Variants in SHANK2 observed in about 807,000 individuals in gnomAD.
The protein encoded by SHANK2 is SH3 and multiple ankyrin repeat domains 2, also known as SH3 and multiple ankyrin repeat domains protein 2.
In SHANK2, 43 loss-of-function variants were observed where a neutral mutation model predicts 133.7. The ratio of observed to expected loss-of-function variants is 0.32; its 90% CI spans 0.25 to 0.41. The LOEUF is 0.41. Among genes scored for constraint, SHANK2 ranks in the 10% least tolerant of loss-of-function variants. SHANK2 has a pLI of 1.00. For missense variants in SHANK2, 1,994 were observed against 2,235.8 expected (o/e 0.89, Z 2.18); for synonymous variants, 1,017 against 952.8 (o/e 1.07, Z -1.24).
At position 70,639,886 on chromosome 11, in the gene SHANK2, T is replaced by C. The variant is rs528983219; in HGVS notation, c.2061+19942A>G. On this transcript the variant is annotated intron_variant, in intron 17 of 25. Coordinates refer to ENST00000601538, the MANE Select transcript of SHANK2 (RefSeq NM_012309.5). ...GTGGTGGAGTTCTACGTGGCTGGGA[T>C]TGGGACATCAGTGGACCCAGGGACG... is the stretch of plus-strand genomic sequence containing the variant. Among the ~76,000 whole-genome samples, 8 of 152,228 alleles carry C rather than the reference T, an allele frequency of 5.3e-5. No individual in the cohort carries two copies. The South Asian group carries it at 1.7e-3, about 32-fold the overall frequency.
chr11:70,807,169 G>A lies in SHANK2; in HGVS notation c.1496C>T (p.Ser499Leu), dbSNP rs537696808. ...KRPQPLWHVG[S>L]PFALGANKDS... ...CTTGTTGGCACCAAGAGCAAAAGGCGACCTGGACCAGGTGAGAGGGGCAGA... is the reference window on the plus strand; with the variant it reads ...CTTGTTGGCACCAAGAGCAAAAGGCAACCTGGACCAGGTGAGAGGGGCAGA... Residue 499 changes from serine (S) to leucine (L), a missense_variant and splice_region_variant, in exon 13 of 26, where the codon TCG (serine) becomes TTG (leucine). This residue lies in a region of SHANK2 where 653 missense variants were observed against 563.4 expected (regional missense o/e 1.16). Transcript: ENST00000601538. This position sits in a 1 kb window ranked among gnomAD's most constrained non-coding sequence, Gnocchi z 4.8. 65 of 717,134 alleles carry A rather than the reference G, an allele frequency of 9.1e-5. No individual in the cohort carries two copies. The highest frequency in any genetic ancestry group is 6.4e-4 in the South Asian group (43 of 67,502). The allele number at this position is 717,134 out of a possible 1,614,324, so 44.4% of individuals were successfully genotyped here.
At position 70,875,052 on chromosome 11, in the gene SHANK2, TCA is replaced by T. The variant is rs1214923803; in HGVS notation, c.1174+21447_1174+21448del. 3.9e-5 allele frequency among the ~76,000 whole-genome samples: 6 copies of T among 152,306 alleles called. No homozygotes were observed. In the South Asian group the frequency reaches 1.0e-3, roughly 26 times the overall value. On this transcript the variant is annotated intron_variant, in intron 11 of 25. Transcript: ENST00000601538. ...TTATAAAAAGATGCTAATTTGAAGT[TCA>T]CAGATACATTTCAACAGCAACTGTA...
intron 17 of SHANK2, among the ~76,000 whole-genome samples, chr11:70,572,106 C>T (rs782794366): frequency 3.3e-5 from 5 of 152,354 alleles, no homozygotes; most frequent in South Asian, 2.1e-4. Context: ...CGCCAGAATC[C>T]GGCCCTGCCG....
At chr11:71,178,945 T>G (rs781884506) in intron 2 of SHANK2, among the ~76,000 whole-genome samples, 1 of 152,210 alleles carries the variant, frequency 6.6e-6, no homozygotes, top group Non-Finnish European at 1.5e-5. Context: ...GTTGCACCAC[T>G]GCACTCCAGC....
intron 11 of SHANK2, among the ~76,000 whole-genome samples, chr11:70,826,236 G>A (rs1948637202): frequency 6.6e-6 from 1 of 152,196 alleles, no homozygotes; most frequent in South Asian, 2.1e-4. Flanking sequence ...GTTCCACAAG[G>A]GCTGAAGGTT....
At chr11:71,178,985 G>A (rs7933622) in intron 2 of SHANK2, among the ~76,000 whole-genome samples, 73,496 of 151,948 alleles carry the variant, frequency 0.48, 18,217 homozygotes, top group South Asian at 0.64. Context: ...TTCGTCTGAA[G>A]TGAATGAATG....
At chr11:70,848,202 C>A (rs782449377) in intron 11 of SHANK2, among the ~76,000 whole-genome samples, 59 of 152,214 alleles carry the variant, frequency 3.9e-4, no homozygotes, top group Non-Finnish European at 8.1e-4. Context: ...AAAAAAGAAG[C>A]CAGAACTCTG....
intron 17 of SHANK2, among the ~76,000 whole-genome samples, chr11:70,550,277 C>T (rs2059748250): frequency 6.6e-6 from 1 of 152,166 alleles, no homozygotes; most frequent in Non-Finnish European, 1.5e-5. Context: ...CTCCTTACAG[C>T]CCTTTCCCCA....
intron 10 of SHANK2, among the ~76,000 whole-genome samples, chr11:70,914,038 G>T (rs1555079487): frequency 6.6e-6 from 1 of 152,134 alleles, no homozygotes; most frequent in Non-Finnish European, 1.5e-5. Context: ...TTACACTGGG[G>T]CGGCAAGCAG....
chr11:71,198,981 A>G (rs1281837805), intron 2 of SHANK2, among the ~76,000 whole-genome samples: 7 of 152,194 alleles, frequency 4.6e-5, no homozygotes, highest in African/African-American at 1.7e-4. Flanking sequence ...CGTTCTGCTC[A>G]GTCACCTGCC....
At chr11:71,136,885 G>A (rs573110865) in intron 3 of SHANK2, among the ~76,000 whole-genome samples, 7 of 152,160 alleles carry the variant, frequency 4.6e-5, no homozygotes, top group Non-Finnish European at 8.8e-5. Context: ...TTTTTGAGAT[G>A]GAGTTTTGCT....
chr11:70,544,568 G>A (rs1322435095), intron 17 of SHANK2, among the ~76,000 whole-genome samples: 1 of 152,170 alleles, frequency 6.6e-6, no homozygotes, highest in Admixed American at 6.5e-5. Context: ...GCAGGGTCAG[G>A]AGGGGCCACC....
At chr11:71,247,313 C>G (rs572893424) in intron 1 of SHANK2, among the ~76,000 whole-genome samples, 1 of 152,002 alleles carries the variant, frequency 6.6e-6, no homozygotes, top group Non-Finnish European at 1.5e-5. Flanking sequence ...ATATTTAAAC[C>G]TATAAAGAAA....
intron 6 of SHANK2, among the ~76,000 whole-genome samples, chr11:71,106,699 G>A (rs1951806491): frequency 6.6e-6 from 1 of 152,124 alleles, no homozygotes; most frequent in Non-Finnish European, 1.5e-5. Flanking sequence ...CGTGCCTGTA[G>A]TCCCAGCTAT....
chr11:70,868,402 T>C (rs182820884), intron 11 of SHANK2, among the ~76,000 whole-genome samples: 14 of 152,296 alleles, frequency 9.2e-5, no homozygotes, highest in African/African-American at 2.9e-4. Context: ...AATAATACTA[T>C]AATAAACAAT....
In SHANK2 at chr11:70,486,570, G is replaced by A; in HGVS notation, c.3723C>T (p.Ala1241=). 6.2e-7 allele frequency: 1 copy of A among 1,614,002 alleles called. No individual in the cohort carries two copies. Among genetic ancestry groups the A allele is most frequent in the Non-Finnish European group, 8.5e-7 (1 of 1,180,032 alleles). The change falls in exon 25 of 26, where the codon GCC becomes GCT. Residue 1241 remains alanine (A), a synonymous_variant. Coordinates refer to ENST00000601538, the MANE Select transcript of SHANK2 (RefSeq NM_012309.5). This position sits in a 1 kb window ranked among gnomAD's most constrained non-coding sequence, Gnocchi z 8.0. The stretch of plus-strand genomic sequence containing the variant: ...CAATGTAAAGAGGTTTGTTGAGGTC[G>A]GCCTTGGGGGCCTCCCCTTTGGGTC... ...QQGPKGEAPK[A]DLNKPLYIDT...
At chr11:70,878,290 G>A (rs902899772) in intron 11 of SHANK2, among the ~76,000 whole-genome samples, 7 of 152,150 alleles carry the variant, frequency 4.6e-5, no homozygotes, top group African/African-American at 1.7e-4. Flanking sequence ...CCAAAGGCAG[G>A]ACCCTGGGAG....
At chr11:70,840,020 G>A (rs1365615458) in intron 11 of SHANK2, among the ~76,000 whole-genome samples, 3 of 152,214 alleles carry the variant, frequency 2.0e-5, no homozygotes, top group African/African-American at 4.8e-5. Flanking sequence ...GGGCTCGGCC[G>A]GCCAGCAGCT....
At chr11:71,237,754 C>T (rs1317850408) in intron 1 of SHANK2, among the ~76,000 whole-genome samples, 1 of 152,196 alleles carries the variant, frequency 6.6e-6, no homozygotes, top group East Asian at 1.9e-4. Flanking sequence ...GCTGTAGAGC[C>T]TACCCCATCT....
Sources: allele counts gnomAD v4.1 joint callset (sites outside exome capture counted in the v4.1 genomes callset), GRCh38; gene constraint gnomAD v4.1.1; regional missense constraint gnomAD v4.1.1; non-coding constraint Gnocchi (gnomAD v3.1); transcripts MANE v1.5; gene names NCBI Gene and HGNC (gene_info 2026-07-23, HGNC 2026-07-21).